KIDINS220: variants seen among roughly 807,000 people sequenced by gnomAD.
The protein encoded by KIDINS220 is kinase D interacting substrate 220.
Under a neutral mutation model 157.6 loss-of-function variants are expected in KIDINS220, and 63 were observed. The observed-to-expected ratio is 0.40, with a 90% CI of 0.33 to 0.49. The LOEUF (loss-of-function observed/expected upper bound fraction) is 0.49. Among genes scored for constraint, KIDINS220 ranks in the 20% least tolerant of loss-of-function variants. KIDINS220 has a pLI of 0.66. For synonymous variants in KIDINS220, 732 were observed against 783.6 expected (o/e 0.93, Z 1.10); for missense variants, 1,772 against 2,171.2 (o/e 0.82, Z 3.65).
chr2:8,806,703 C>T (rs1171448459), intron 6 of KIDINS220, among the ~76,000 whole-genome samples: 1 of 152,198 alleles, frequency 6.6e-6, no homozygotes, highest in Non-Finnish European at 1.5e-5. Flanking sequence ...CCTCAGCCTC[C>T]TGAGTAGCTG....
At position 8,730,875 on chromosome 2, in the gene KIDINS220, G is replaced by C; in HGVS notation, c.5161C>G (p.Pro1721Ala). 6.2e-7 allele frequency: 1 copy of C among 1,614,154 alleles called. No individual in the cohort carries two copies. The highest frequency in any genetic ancestry group is 8.5e-7 in the Non-Finnish European group (1 of 1,180,034). ...VILRPSSSPN[P>A]TTIQNENLKS... Reference sequence around the variant, plus strand: ...AGATTCTCATTCTGAATAGTGGTTGGGTTGGGACTGGAACTAGGCCTCAAA... The same window carrying C: ...AGATTCTCATTCTGAATAGTGGTTGCGTTGGGACTGGAACTAGGCCTCAAA... Residue 1721 changes from proline to alanine, a missense_variant, in exon 30 of 30, where the codon CCA (proline) becomes GCA (alanine). Coordinates refer to ENST00000256707, the MANE Select transcript of KIDINS220 (RefSeq NM_020738.4).
intron 26 of KIDINS220, among the ~76,000 whole-genome samples, chr2:8,745,569 C>CT (rs1194891038): frequency 2.0e-5 from 3 of 152,218 alleles, no homozygotes; most frequent in South Asian, 2.1e-4. Flanking sequence ...GAGGCCAAGA[C>CT]GGGCAGATCA....
chr2:8,790,208 AC>A, intron 13 of KIDINS220, 149 bp from the exon 14 acceptor site: 1 of 703,000 alleles, frequency 1.4e-6, no homozygotes, highest in Non-Finnish European at 2.2e-6. Context: ...TAACCATTTT[AC>A]CCAGTGTTCT....
intron 8 of KIDINS220, 106 bp from the exon 9 acceptor site, chr2:8,800,604 C>A (rs1483492187): frequency 3.6e-6 from 3 of 836,042 alleles, no homozygotes; most frequent in Non-Finnish European, 3.7e-6. Flanking sequence ...CTAAAAATTT[C>A]TTGGAAAAAG....
intron 21 of KIDINS220, 95 bp from the exon 22 acceptor site, chr2:8,770,927 A>AG: frequency 2.9e-6 from 2 of 682,458 alleles, no homozygotes; most frequent in Non-Finnish European, 4.3e-6. Context: ...TTAAATTTCT[A>AG]AAATTTACCA....
intron 17 of KIDINS220, among the ~76,000 whole-genome samples, chr2:8,780,581 T>A (rs1212249030): frequency 6.6e-6 from 1 of 151,840 alleles, no homozygotes; most frequent in South Asian, 2.1e-4. Context: ...GTACATATTA[T>A]GTATGCTTAT....
At chr2:8,782,657 T>C (rs957368198) in intron 17 of KIDINS220, among the ~76,000 whole-genome samples, 1 of 152,208 alleles carries the variant, frequency 6.6e-6, no homozygotes. Context: ...AAGGGAATGC[T>C]TCCTAACTCA....
At chr2:8,808,996 G>T (rs1572745739) in intron 6 of KIDINS220, among the ~76,000 whole-genome samples, 2 of 142,434 alleles carry the variant, frequency 1.4e-5, no homozygotes, top group South Asian at 4.8e-4. Context: ...CCAGATCTAT[G>T]TATCTTTTTT....
Position 8,798,288 on chromosome 2 carries a change from C to T in KIDINS220, c.913G>A (p.Ala305Thr), listed in dbSNP as rs1344309953. The T allele has an allele frequency of 6.3e-7, 1 of 1,597,816 alleles. No individual in the cohort carries two copies. The highest frequency in any genetic ancestry group is 1.1e-5 in the South Asian group (1 of 90,734). Reference protein sequence around the residue: ...IDIRGQDNKTALYWAVEKGNA... With the variant: ...IDIRGQDNKTTLYWAVEKGNA... ...CCTTTCTCAACAGCCCAATACAAAG[C>T]AGTTTTATTATCCTAGATAATTAAA... is the stretch of plus-strand genomic sequence containing the variant. The change falls in exon 10 of 30, where the codon GCT becomes ACT. Residue 305 changes from alanine to threonine, a missense_variant. Ala to Thr is a moderately conservative substitution (Grantham distance 58). Coordinates refer to ENST00000256707, the MANE Select transcript of KIDINS220 (RefSeq NM_020738.4).
chr2:8,811,640 C>T (rs1676327179), intron 6 of KIDINS220, among the ~76,000 whole-genome samples: 1 of 152,108 alleles, frequency 6.6e-6, no homozygotes, highest in African/African-American at 2.4e-5. Context: ...GCCTGCAAGA[C>T]AGGCTGAAGC....
chr2:8,814,438 T>C (rs1252277248), intron 4 of KIDINS220, among the ~76,000 whole-genome samples: 1 of 152,060 alleles, frequency 6.6e-6, no homozygotes, highest in South Asian at 2.1e-4. Context: ...TAGAAAGATA[T>C]AGATAGATAT....
intron 2 of KIDINS220, among the ~76,000 whole-genome samples, chr2:8,820,149 C>T (rs370050420): frequency 3.3e-5 from 5 of 152,294 alleles, no homozygotes; most frequent in African/African-American, 7.2e-5. Flanking sequence ...GCCTGGCCCT[C>T]GACCCAGTCT....
At chr2:8,761,539 C>A (rs1668746571) in intron 22 of KIDINS220, among the ~76,000 whole-genome samples, 1 of 151,980 alleles carries the variant, frequency 6.6e-6, no homozygotes, top group African/African-American at 2.4e-5. Flanking sequence ...CACTTAAAAA[C>A]TATGTCATAT....
intron 1 of KIDINS220, among the ~76,000 whole-genome samples, chr2:8,837,044 G>C (rs1281048473): frequency 2.0e-5 from 3 of 152,160 alleles, no homozygotes; most frequent in South Asian, 2.1e-4. Context: ...AAAAGCAAGG[G>C]AGAAAACAAC....
At chr2:8,758,586 C>T (rs568921924) in intron 22 of KIDINS220, among the ~76,000 whole-genome samples, 26 of 151,898 alleles carry the variant, frequency 1.7e-4, no homozygotes, top group South Asian at 4.2e-4. Flanking sequence ...TTTATTATTT[C>T]CTTCCTTCTG....
chr2:8,789,940 G>A lies in KIDINS220; in HGVS notation c.1561C>T (p.His521Tyr). ...GACACTGCTATTCCAAGATTTGGGT[G>A]GACCGTGAAGGCAAACAATAAACCA... ...GLGLLFAFTV[H>Y]PNLGIAVSLS... Residue 521 changes from histidine (H) to tyrosine (Y), a missense_variant, in exon 14 of 30, where the codon CAC becomes TAC. Around this residue, in one of 3 missense-constraint regions of KIDINS220, gnomAD observed 725 missense variants for 1,017.1 expected, o/e 0.71. Coordinates refer to ENST00000256707, the MANE Select transcript of KIDINS220 (RefSeq NM_020738.4). 1.2e-6 allele frequency: 2 copies of A among 1,613,822 alleles called. No homozygotes were observed. The highest frequency in any genetic ancestry group is 1.7e-6 in the Non-Finnish European group (2 of 1,179,880).
chr2:8,786,037 T>C lies in KIDINS220; in HGVS notation c.1940-7A>G, dbSNP rs1672352477. On this transcript the variant is annotated splice_polypyrimidine_tract_variant and splice_region_variant and intron_variant, in intron 16 of 29. Transcript: ENST00000256707. ...TTTTTCCATTTCTTTTTACCTGTAA[T>C]GCAACAAATGGTTTTAATAATTAAC... 3 of 1,596,012 alleles carry C rather than the reference T, an allele frequency of 1.9e-6. No homozygotes were observed. The highest frequency in any genetic ancestry group is 1.8e-5 in the Admixed American group (1 of 57,016).
Position 8,737,304 on chromosome 2 carries a change from G to A in KIDINS220, c.3586-305C>T, listed in dbSNP as rs10200442. 1,117 of 211,178 alleles carry A rather than the reference G, an allele frequency of 5.3e-3. 3 individuals carry two copies. The highest frequency in any genetic ancestry group is 7.1e-3 in the Non-Finnish European group (747 of 105,278). The allele number at this position is 211,178 out of a possible 1,614,324, so 13.1% of individuals were successfully genotyped here. A position where few individuals can be genotyped will look rare whatever the true frequency, so the allele number is the denominator to read the frequency against. ...TTTACTGCCTAATCTCAAGAGAGAAGGGTGCCGTGCTTAATAAGAGGAAGA... is the reference window on the plus strand; with the variant it reads ...TTTACTGCCTAATCTCAAGAGAGAAAGGTGCCGTGCTTAATAAGAGGAAGA... On this transcript the variant is annotated intron_variant, in intron 26 of 29. Coordinates refer to ENST00000256707, the MANE Select transcript of KIDINS220 (RefSeq NM_020738.4).
At chr2:8,820,765 A>T (rs1489987908) in intron 2 of KIDINS220, among the ~76,000 whole-genome samples, 1 of 152,240 alleles carries the variant, frequency 6.6e-6, no homozygotes, top group Admixed American at 6.5e-5. Flanking sequence ...ACGTACTGCT[A>T]GTTATTAAGC....
Sources: allele counts gnomAD v4.1 joint callset (sites outside exome capture counted in the v4.1 genomes callset), GRCh38; gene constraint gnomAD v4.1.1; regional missense constraint gnomAD v4.1.1; transcripts MANE v1.5; gene names NCBI Gene and HGNC (gene_info 2026-07-23, HGNC 2026-07-21).